Variants in ZCCHC24 observed in about 807,000 individuals in gnomAD.
ZCCHC24 encodes the protein zinc finger CCHC domain-containing protein 24.
A neutral mutation model predicts 26.2 loss-of-function variants in ZCCHC24; 10 were observed. That is an observed-to-expected ratio of 0.38 (90% CI 0.24 to 0.65). The LOEUF is 0.65. Ranked by LOEUF, ZCCHC24 falls within the 30% of genes least tolerant of loss-of-function variation. The pLI is 0.54. For missense variants in ZCCHC24, 243 were observed against 329.1 expected, an observed-to-expected ratio of 0.74 and a Z score of 2.03; for synonymous variants, 144 against 147.1, an observed-to-expected ratio of 0.98 and a Z score of 0.15.
At chr10:79,391,463 G>C (rs1856477553) in intron 3 of ZCCHC24, among the ~76,000 whole-genome samples, 1 of 152,054 alleles carries the variant, frequency 6.6e-6, no homozygotes, top group African/African-American at 2.4e-5. Context: ...CCACTGCGGA[G>C]ACTGGGTTCC....
intron 2 of ZCCHC24, among the ~76,000 whole-genome samples, chr10:79,431,272 C>T (rs891709938): frequency 6.6e-6 from 1 of 152,216 alleles, no homozygotes; most frequent in African/African-American, 2.4e-5. Flanking sequence ...TGCCTGTTTG[C>T]CCCTCATTCT....
Position 79,387,515 on chromosome 10 carries a change from C to T in ZCCHC24, c.613-1057G>A, listed in dbSNP as rs1346250926. The stretch of plus-strand genomic sequence containing the variant: ...AGTGGATGCTTTCTTGGCCAGCTCA[C>T]GGGGATTCTGCCTTCTGTTCAGCTG... On this transcript the variant is annotated intron_variant, in intron 3 of 3. Transcript: ENST00000372336. Among the ~76,000 whole-genome samples the T allele has an allele frequency of 2.6e-5, 4 of 152,210 alleles. No homozygotes were observed. The East Asian group carries it at 5.8e-4, about 22-fold the overall frequency.
rs964722729 is a variant in ZCCHC24 at position 79,416,865 on chromosome 10, G to A, written c.447+15693C>T. Among the ~76,000 whole-genome samples the A allele has an allele frequency of 2.0e-5, 3 of 152,134 alleles. No homozygotes were observed. In the East Asian group the frequency reaches 5.8e-4, roughly 29 times the overall value. The stretch of plus-strand genomic sequence containing the variant: ...GAGAAGATTAGAGGAGTCAATGGGT[G>A]AAAAGTGCTCAGAGCAGTGCCCGGA... On this transcript the variant is annotated intron_variant, in intron 2 of 3. Coordinates refer to ENST00000372336, the MANE Select transcript of ZCCHC24 (RefSeq NM_153367.4).
chr10:79,395,294 G>A (rs1000512360), intron 2 of ZCCHC24, among the ~76,000 whole-genome samples: 4 of 152,244 alleles, frequency 2.6e-5, no homozygotes, highest in African/African-American at 7.2e-5. Context: ...TTTAACAGGT[G>A]CACACAATAT....
chr10:79,427,202 C>T (rs1857041767), intron 2 of ZCCHC24, among the ~76,000 whole-genome samples: 1 of 152,064 alleles, frequency 6.6e-6, no homozygotes, highest in Non-Finnish European at 1.5e-5. Context: ...GAAGCAAAAA[C>T]TGACAGAATT....
At chr10:79,428,946 CA>C (rs1158726375) in intron 2 of ZCCHC24, among the ~76,000 whole-genome samples, 2 of 151,460 alleles carry the variant, frequency 1.3e-5, no homozygotes, top group Non-Finnish European at 2.9e-5. Flanking sequence ...AAAAAAAAAT[CA>C]GAATACTCTA....
chr10:79,436,758 G>A (rs901915096), intron 1 of ZCCHC24, among the ~76,000 whole-genome samples: 4 of 152,258 alleles, frequency 2.6e-5, no homozygotes, highest in Admixed American at 2.0e-4. Context: ...GGGCCGAGTG[G>A]AGGGGCACTC....
chr10:79,439,753 C>T (rs1023529386), intron 1 of ZCCHC24, among the ~76,000 whole-genome samples: 35 of 148,868 alleles, frequency 2.4e-4, no homozygotes, highest in Non-Finnish European at 4.1e-4. Context: ...AGAGATTGTG[C>T]CACTGCACTC....
intron 1 of ZCCHC24, among the ~76,000 whole-genome samples, chr10:79,444,697 C>A (rs1395333914): frequency 6.6e-6 from 1 of 152,166 alleles, no homozygotes; most frequent in Non-Finnish European, 1.5e-5. Flanking sequence ...GGGTGCCTTT[C>A]GGGTCGGGAA....
At chr10:79,395,781 T>C in intron 2 of ZCCHC24, among the ~76,000 whole-genome samples, 1 of 152,220 alleles carries the variant, frequency 6.6e-6, no homozygotes, top group Admixed American at 6.5e-5. Context: ...TGTAACTGCA[T>C]TTTATATATG....
At chr10:79,419,612 C>T (rs1197009646) in intron 2 of ZCCHC24, among the ~76,000 whole-genome samples, 2 of 152,100 alleles carry the variant, frequency 1.3e-5, no homozygotes, top group African/African-American at 4.8e-5. Context: ...AGGCCCTTGG[C>T]AGGTGAGGAA....
intron 1 of ZCCHC24, among the ~76,000 whole-genome samples, chr10:79,439,104 G>T (rs1857257473): frequency 6.6e-6 from 1 of 152,242 alleles, no homozygotes; most frequent in Admixed American, 6.5e-5. Flanking sequence ...GCATGAAGGT[G>T]TGTGTGATCC....
At chr10:79,424,949 T>C (rs1016718157) in intron 2 of ZCCHC24, among the ~76,000 whole-genome samples, 1 of 151,810 alleles carries the variant, frequency 6.6e-6, no homozygotes, top group Admixed American at 6.6e-5. Flanking sequence ...TCCCCCAGAG[T>C]GGCCAATACT....
At chr10:79,391,459 C>A (rs1002742413) in intron 3 of ZCCHC24, among the ~76,000 whole-genome samples, 1 of 152,014 alleles carries the variant, frequency 6.6e-6, no homozygotes, top group Non-Finnish European at 1.5e-5. Context: ...GGAGCCACTG[C>A]GGAGACTGGG....
intron 2 of ZCCHC24, among the ~76,000 whole-genome samples, chr10:79,408,844 A>T (rs1856754411): frequency 6.6e-6 from 1 of 152,174 alleles, no homozygotes; most frequent in African/African-American, 2.4e-5. Flanking sequence ...GCCACCAGCA[A>T]GCTCTGTGAC....
rs531013023 is a variant in ZCCHC24, at chr10:79,396,607, C to T, written c.448-2167G>A. Among the ~76,000 whole-genome samples the T allele has an allele frequency of 8.8e-4, 134 of 152,342 alleles. 2 individuals carry two copies. The highest frequency in any genetic ancestry group is 8.7e-3 in the South Asian group (42 of 4,828). On this transcript the variant is annotated intron_variant, in intron 2 of 3. Transcript: ENST00000372336. ...CAAAGTGTGGTCCCCGGACCAACAG[C>T]GACAGCACCACCAGCTTGTTAGAAA...
At chr10:79,427,216 G>T (rs1857041948) in intron 2 of ZCCHC24, among the ~76,000 whole-genome samples, 1 of 152,102 alleles carries the variant, frequency 6.6e-6, no homozygotes, top group South Asian at 2.1e-4. Context: ...CAGAATTGAA[G>T]AAAGAAATAG....
chr10:79,386,450 CA>C lies in ZCCHC24; in HGVS notation c.620del (p.Leu207ArgfsTer90). On this transcript the variant is annotated frameshift_variant, in exon 4 of 4. Transcript: ENST00000372336. LOFTEE classifies it high-confidence loss of function. ...INVYPHKQRP[L>X]EKPDGLDVSD... is the part of the protein sequence containing the mutation. Reference sequence around the variant, plus strand: ...ACACGTCCAGGCCGTCGGGCTTCTCCAGGGGTCTCTGCAGAGAGAAGGAGGA... The same window carrying C: ...ACACGTCCAGGCCGTCGGGCTTCTCCGGGGTCTCTGCAGAGAGAAGGAGGA... The C allele has an allele frequency of 6.3e-7, 1 of 1,597,302 alleles. No individual in the cohort carries two copies.
At chr10:79,394,097 T>C (rs1856512910) in intron 3 of ZCCHC24, among the ~76,000 whole-genome samples, 179 bp downstream of exon 3, 2 of 152,234 alleles carry the variant, frequency 1.3e-5, no homozygotes, top group African/African-American at 2.4e-5. Flanking sequence ...CTCAAGATCT[T>C]GGTGCAGTTG....
Sources: allele counts gnomAD v4.1 joint callset (sites outside exome capture counted in the v4.1 genomes callset), GRCh38; gene constraint gnomAD v4.1.1; transcripts MANE v1.5; gene names NCBI Gene and HGNC (gene_info 2026-07-23, HGNC 2026-07-21).